The following NETO1 variants were observed in gnomAD, a reference collection of about 807,000 sequenced individuals.
NETO1 encodes neuropilin and tolloid-like protein 1.
A neutral mutation model predicts 61.3 loss-of-function variants in NETO1; 26 were observed. That is an observed-to-expected ratio of 0.42 (90% CI 0.31 to 0.59). NETO1 has a LOEUF of 0.59. NETO1 is among the 20% of genes least tolerant of loss of function. The pLI is 0.12. For missense variants in NETO1, 531 were observed against 662.8 expected (o/e 0.80, Z 2.18); for synonymous variants, 225 against 225.8 (o/e 1.00, Z 0.03).
chr18:72,742,470 T>C (rs1214844197), downstream of NETO1: 1 of 152,218 alleles, frequency 6.6e-6, no homozygotes, highest in Non-Finnish European at 1.5e-5. Context: ...TAATGCATTA[T>C]AGGATATAAA....
intron 4 of NETO1, among the ~76,000 whole-genome samples, chr18:72,858,569 G>A (rs2074473120): frequency 6.6e-6 from 1 of 152,094 alleles, no homozygotes; most frequent in Non-Finnish European, 1.5e-5. Flanking sequence ...CATAACAAAA[G>A]TCCACTTGAT....
intron 4 of NETO1, among the ~76,000 whole-genome samples, chr18:72,846,531 A>AAAAAAAAAAAC (rs2074092846): frequency 6.7e-6 from 1 of 149,552 alleles, no homozygotes; most frequent in Non-Finnish European, 1.5e-5. Flanking sequence ...AAAAAAAAAA[A>AAAAAAAAAAAC]AAAGAAGATG....
intron 7 of NETO1, among the ~76,000 whole-genome samples, chr18:72,758,263 T>C (rs1354922427): frequency 6.6e-6 from 1 of 152,044 alleles, no homozygotes. Flanking sequence ...AAGAATGCAA[T>C]AAGTAATTCA....
intron 4 of NETO1, among the ~76,000 whole-genome samples, chr18:72,851,414 C>CAAAAAAAAAAAAAAAAAAAA (rs570774226): frequency 6.7e-6 from 1 of 149,030 alleles, no homozygotes; most frequent in African/African-American, 2.5e-5. Flanking sequence ...TCCCTCAAAA[C>CAAAAAAAAAAAAAAAAAAAA]AAAAAAAGAA....
chr18:72,820,764 C>T (rs2073167687), intron 4 of NETO1, among the ~76,000 whole-genome samples: 1 of 152,198 alleles, frequency 6.6e-6, no homozygotes, highest in African/African-American at 2.4e-5. Context: ...TCCCTCCTTG[C>T]TTGAGCAAGG....
intron 7 of NETO1, among the ~76,000 whole-genome samples, chr18:72,770,166 T>C (rs550609828): frequency 6.6e-6 from 1 of 152,188 alleles, no homozygotes; most frequent in Non-Finnish European, 1.5e-5. Context: ...CTTCTTATGC[T>C]TACAGGGTAT....
intron 4 of NETO1, among the ~76,000 whole-genome samples, chr18:72,810,915 C>T (rs2072846677): frequency 6.6e-6 from 1 of 152,168 alleles, no homozygotes; most frequent in South Asian, 2.1e-4. Flanking sequence ...GGGATGCCTT[C>T]TGCTTTACTG....
chr18:72,774,747 C>T (rs2071487668), intron 7 of NETO1, among the ~76,000 whole-genome samples: 1 of 152,138 alleles, frequency 6.6e-6, no homozygotes, highest in South Asian at 2.1e-4. Flanking sequence ...TAAACAAATA[C>T]TCTTTCTTAA....
intron 4 of NETO1, among the ~76,000 whole-genome samples, chr18:72,796,567 C>G (rs887740280): frequency 3.3e-5 from 5 of 152,088 alleles, no homozygotes; most frequent in African/African-American, 1.2e-4. Flanking sequence ...AGCTTCACCT[C>G]CCAGGTTCAC....
Position 72,756,375 on chromosome 18 carries a change from G to C in NETO1, c.869-228C>G, listed in dbSNP as rs1013657012. The stretch of plus-strand genomic sequence containing the variant: ...AGGCTCAGCTTGTAAAAATGCCATA[G>C]GGTATTTTCCATCATTAAAATGAAG... On this transcript the variant is annotated intron_variant, in intron 7 of 10. Coordinates refer to ENST00000327305, the MANE Select transcript of NETO1 (RefSeq NM_138966.5). Among the ~76,000 whole-genome samples the C allele has an allele frequency of 2.2e-4, 34 of 152,134 alleles. 1 individual carries two copies. Among genetic ancestry groups the C allele is most frequent in the African/African-American group, 8.0e-4 (33 of 41,492 alleles).
In NETO1 at chr18:72,864,751, A is replaced by G. The variant is rs573911205; in HGVS notation, c.220+57T>C. 3.7e-6 allele frequency: 6 copies of G among 1,608,088 alleles called. No individual in the cohort carries two copies. In the South Asian group the frequency reaches 5.5e-5, roughly 15 times the overall value. On this transcript the variant is annotated intron_variant, in intron 3 of 10. Transcript: ENST00000327305. ...TACGCATATTCTTCATCCAAAGCAC[A>G]GAGATGGCAAGGTTTTGGCTTAGTG...
chr18:72,771,415 T>A (rs1432882090), intron 7 of NETO1, among the ~76,000 whole-genome samples: 1 of 152,106 alleles, frequency 6.6e-6, no homozygotes, highest in African/African-American at 2.4e-5. Flanking sequence ...GAATACCAGA[T>A]ATAAATGAAC....
chr18:72,840,834 G>A (rs2073907360), intron 4 of NETO1, among the ~76,000 whole-genome samples: 1 of 152,156 alleles, frequency 6.6e-6, no homozygotes, highest in Non-Finnish European at 1.5e-5. Flanking sequence ...CAATAGTACA[G>A]TAAAGAAAAT....
chr18:72,849,821 G>A (rs1413488813), intron 4 of NETO1, among the ~76,000 whole-genome samples: 2 of 152,182 alleles, frequency 1.3e-5, no homozygotes, highest in Non-Finnish European at 2.9e-5. Flanking sequence ...GGCTGCAGGA[G>A]ACAAGTCATA....
chr18:72,785,320 T>A (rs1483852611), intron 6 of NETO1, among the ~76,000 whole-genome samples: 1 of 152,184 alleles, frequency 6.6e-6, no homozygotes, highest in Non-Finnish European at 1.5e-5. Context: ...TCTCTTGTCC[T>A]CCATGTTCGT....
intron 4 of NETO1, among the ~76,000 whole-genome samples, chr18:72,847,230 A>G (rs1027165476): frequency 3.9e-5 from 6 of 152,238 alleles, no homozygotes; most frequent in African/African-American, 1.4e-4. Flanking sequence ...TTTCGTGGGC[A>G]CATGCCCTGC....
intron 4 of NETO1, among the ~76,000 whole-genome samples, chr18:72,837,718 G>A (rs1599119058): frequency 2.6e-5 from 4 of 152,176 alleles, no homozygotes; most frequent in Admixed American, 2.6e-4. Context: ...ATATGCTCTG[G>A]CTAATGTAGA....
chr18:72,810,814 A>C (rs2072841824), intron 4 of NETO1, among the ~76,000 whole-genome samples: 1 of 152,202 alleles, frequency 6.6e-6, no homozygotes, highest in Non-Finnish European at 1.5e-5. Flanking sequence ...AATGGTCTGC[A>C]GCAACATAAA....
intron 4 of NETO1, among the ~76,000 whole-genome samples, chr18:72,840,938 T>C (rs139559581): frequency 1.3e-5 from 2 of 152,334 alleles, no homozygotes; most frequent in African/African-American, 4.8e-5. Context: ...CACTAACCCA[T>C]GTAGTCTTGA....
Sources: gnomAD v4.1 joint callset for allele counts (sites outside exome capture counted in the v4.1 genomes callset) on GRCh38, gnomAD v4.1.1 for gene constraint, MANE v1.5 for transcripts, NCBI Gene and HGNC (gene_info 2026-07-23, HGNC 2026-07-21) for gene names.